The following TLN2 variants were observed in gnomAD, a reference collection of about 807,000 sequenced individuals.
The protein encoded by TLN2 is talin-2.
TLN2 carries 118 observed loss-of-function variants against 294.7 expected under a neutral mutation model. The observed-to-expected ratio is 0.40, with a 90% CI of 0.34 to 0.47. TLN2 has a LOEUF of 0.47. TLN2 is among the 20% of genes least tolerant of loss of function. TLN2 has a pLI of 0.84. For synonymous variants in TLN2, 1,431 were observed against 1,304.5 expected (o/e 1.10, Z -2.09); for missense variants, 3,083 against 3,282.2 (o/e 0.94, Z 1.48).
chr15:62,768,733 A>G (rs373568055), intron 41 of TLN2, among the ~76,000 whole-genome samples: 1 of 152,222 alleles, frequency 6.6e-6, no homozygotes, highest in Non-Finnish European at 1.5e-5. Flanking sequence ...AGTACTTGCT[A>G]AGCTCCCTAA....
chr15:62,397,454 A>G (rs1206770628), intron 1 of TLN2, among the ~76,000 whole-genome samples: 2 of 152,022 alleles, frequency 1.3e-5, no homozygotes, highest in South Asian at 2.1e-4. Flanking sequence ...TGTAGAGACC[A>G]TGTCTCACTG....
chr15:62,706,980 G>T, intron 19 of TLN2, 106 bp from the exon 20 acceptor site: 1 of 1,343,556 alleles, frequency 7.4e-7, no homozygotes, highest in Non-Finnish European at 9.9e-7. Context: ...AACTTCTAAA[G>T]TACTGAAGGA....
Position 62,676,027 on chromosome 15 carries a change from G to C in TLN2, c.957+706G>C, listed in dbSNP as rs190925744. Among the ~76,000 whole-genome samples, 19 of 152,284 alleles carry C rather than the reference G, an allele frequency of 1.2e-4. No homozygotes were observed. The East Asian group carries it at 2.7e-3, about 22-fold the overall frequency. ...TTGGCCTCTCGCCTGGGGCCGTGGA[G>C]AAAGCTCTAACTTATAGTCAGTCTT... On this transcript the variant is annotated intron_variant, in intron 11 of 58. Coordinates refer to ENST00000636159, the MANE Select transcript of TLN2 (RefSeq NM_015059.3).
At chr15:62,709,947 C>T (rs994859520) in intron 21 of TLN2, among the ~76,000 whole-genome samples, 4 of 152,068 alleles carry the variant, frequency 2.6e-5, no homozygotes, top group African/African-American at 9.7e-5. Flanking sequence ...GTTGGCCAGG[C>T]TGGTCTCGAA....
chr15:62,741,745 G>GCA (rs939905284), intron 32 of TLN2, among the ~76,000 whole-genome samples: 1,689 of 14,470 alleles, frequency 0.12, 28 homozygotes, highest in Middle Eastern at 0.4. Context: ...TTTAAAATTT[G>GCA]CGCGTGTGTG....
chr15:62,709,529 A>G (rs927872070), intron 21 of TLN2, among the ~76,000 whole-genome samples: 1 of 152,178 alleles, frequency 6.6e-6, no homozygotes, highest in African/African-American at 2.4e-5. Context: ...CTAAGAGGAC[A>G]GTTTGTCTCC....
intron 26 of TLN2, 149 bp downstream of exon 26, chr15:62,722,636 G>A (rs2060215432): frequency 4.8e-6 from 5 of 1,042,202 alleles, no homozygotes; most frequent in Non-Finnish European, 5.1e-6. Flanking sequence ...CCTGTGGGTT[G>A]GCTTTTGTTG....
intron 1 of TLN2, among the ~76,000 whole-genome samples, chr15:62,543,393 T>C (rs1376975764): frequency 6.6e-6 from 1 of 152,236 alleles, no homozygotes; most frequent in East Asian, 1.9e-4. Context: ...AATGTGGACA[T>C]GTCCTCTGTC....
At chr15:62,572,088 C>A (rs1490480679) in intron 1 of TLN2, among the ~76,000 whole-genome samples, 1 of 152,134 alleles carries the variant, frequency 6.6e-6, no homozygotes, top group African/African-American at 2.4e-5. Flanking sequence ...CCTCTAATTC[C>A]CTGTTATGCT....
intron 39 of TLN2, 22 bp from the exon 40 acceptor site, chr15:62,763,541 C>G: frequency 1.3e-6 from 2 of 1,587,202 alleles, no homozygotes; most frequent in Non-Finnish European, 1.7e-6. Context: ...AGCCTGTGTC[C>G]AACTTGCACT....
chr15:62,612,501 A>G (rs187707728), intron 2 of TLN2, among the ~76,000 whole-genome samples: 3 of 152,310 alleles, frequency 2.0e-5, no homozygotes, highest in Admixed American at 2.0e-4. Flanking sequence ...CAGAAGTTTT[A>G]AAACACAACA....
chr15:62,657,858 G>A lies in TLN2; in HGVS notation c.748G>A (p.Gly250Arg). ...TGGATTTCAAGCCCAGATACAATTTGGACCTCATGTGGAACATAAACACAA... is the reference window on the plus strand; with the variant it reads ...TGGATTTCAAGCCCAGATACAATTTAGACCTCATGTGGAACATAAACACAA... ...FGGFQAQIQF[G>R]PHVEHKHKPG... is the part of the protein sequence containing the mutation. Residue 250 changes from glycine (G) to arginine (R), a missense_variant, in exon 9 of 59, where the codon GGA becomes AGA. Gly to Arg is a moderately radical substitution (Grantham distance 125). Coordinates refer to ENST00000636159, the MANE Select transcript of TLN2 (RefSeq NM_015059.3). 1.2e-6 allele frequency: 2 copies of A among 1,613,806 alleles called. No homozygotes were observed. Among genetic ancestry groups the A allele is most frequent in the Non-Finnish European group, 1.7e-6 (2 of 1,179,854 alleles).
chr15:62,812,664 A>T (rs1567660803), intron 52 of TLN2, among the ~76,000 whole-genome samples: 1 of 152,192 alleles, frequency 6.6e-6, no homozygotes, highest in South Asian at 2.1e-4. Context: ...TCTAAACCCT[A>T]TCCCAGTATC....
intron 45 of TLN2, among the ~76,000 whole-genome samples, chr15:62,791,449 T>C (rs1446349599): frequency 6.6e-6 from 1 of 152,214 alleles, no homozygotes; most frequent in Non-Finnish European, 1.5e-5. Context: ...TAAAAGTTCT[T>C]TGGGCCTTTA....
chr15:62,584,889 C>G (rs1036009106), intron 1 of TLN2, among the ~76,000 whole-genome samples: 1 of 152,208 alleles, frequency 6.6e-6, no homozygotes, highest in African/African-American at 2.4e-5. Context: ...TCATCCTCAG[C>G]TAATCCTATT....
chr15:62,399,568 A>G (rs1403515373), intron 1 of TLN2, among the ~76,000 whole-genome samples: 2 of 152,242 alleles, frequency 1.3e-5, no homozygotes, highest in Non-Finnish European at 2.9e-5. Context: ...GCAAAGCCAC[A>G]GGGGCGAAGC....
chr15:62,510,998 A>G (rs1260178424), intron 1 of TLN2, among the ~76,000 whole-genome samples: 1 of 152,222 alleles, frequency 6.6e-6, no homozygotes, highest in Non-Finnish European at 1.5e-5. Context: ...GTCTTACAAT[A>G]TTAGTGGCTT....
intron 13 of TLN2, 65 bp downstream of exon 13, chr15:62,693,006 C>A: frequency 7.2e-7 from 1 of 1,390,396 alleles, no homozygotes. Context: ...GTTTCGATGA[C>A]GTGGCTACCT....
intron 10 of TLN2, among the ~76,000 whole-genome samples, chr15:62,674,844 A>G (rs1228977201): frequency 6.6e-6 from 1 of 152,216 alleles, no homozygotes; most frequent in Non-Finnish European, 1.5e-5. Context: ...TCTCCTGATA[A>G]GAACTTTTTC....
Sources: allele counts gnomAD v4.1 joint callset (sites outside exome capture counted in the v4.1 genomes callset), GRCh38; gene constraint gnomAD v4.1.1; transcripts MANE v1.5; gene names NCBI Gene and HGNC (gene_info 2026-07-23, HGNC 2026-07-21).